The following MAP4K3 variants were observed in gnomAD, a reference collection of about 807,000 sequenced individuals.
MAP4K3 encodes MAPK/ERK kinase kinase kinase 3.
Under a neutral mutation model 143.5 loss-of-function variants are expected in MAP4K3, and 94 were observed. That is an observed-to-expected ratio of 0.65 (90% confidence interval 0.55 to 0.78). The LOEUF (loss-of-function observed/expected upper bound fraction) is 0.78. MAP4K3 is among the 30% of genes least tolerant of loss of function. The pLI is 0.00. For missense variants in MAP4K3, 1,077 were observed against 1,068.1 expected, an observed-to-expected ratio of 1.01 and a Z score of -0.12; for synonymous variants, 416 against 347.2, an observed-to-expected ratio of 1.20 and a Z score of -2.20.
intron 19 of MAP4K3, among the ~76,000 whole-genome samples, chr2:39,288,959 G>A (rs1175820655): frequency 6.6e-6 from 1 of 152,214 alleles, no homozygotes; most frequent in Non-Finnish European, 1.5e-5. Flanking sequence ...GGCTGAGGCA[G>A]GAGAATGGCA....
At chr2:39,345,616 G>C (rs1357987449) in intron 3 of MAP4K3, among the ~76,000 whole-genome samples, 1 of 152,010 alleles carries the variant, frequency 6.6e-6, no homozygotes, top group African/African-American at 2.4e-5. Flanking sequence ...CATGATTCTA[G>C]AAAATAATGC....
At position 39,292,842 on chromosome 2, in the gene MAP4K3, A is replaced by G. The variant is rs1358372908; in HGVS notation, c.1218-16T>C. ...GACGTGTCCTCTAAATAAAAAGGATAATGTCATTGTTATTAAATGGATTTT... is the reference window on the plus strand; with the variant it reads ...GACGTGTCCTCTAAATAAAAAGGATGATGTCATTGTTATTAAATGGATTTT... On this transcript the variant is annotated splice_polypyrimidine_tract_variant and intron_variant, in intron 17 of 33. Transcript: ENST00000263881. 1.2e-6 allele frequency: 2 copies of G among 1,602,830 alleles called. No homozygotes were observed. Among genetic ancestry groups the G allele is most frequent in the East Asian group, 2.2e-5 (1 of 44,770 alleles).
rs1369215557 is a variant in MAP4K3, at chr2:39,249,354, T to C, written c.*1264A>G. The C allele has an allele frequency of 2.0e-5, 3 of 152,694 alleles. No individual in the cohort carries two copies. Among genetic ancestry groups the C allele is most frequent in the African/African-American group, 7.2e-5 (3 of 41,560 alleles). 9.5% of individuals were successfully genotyped at this position (152,694 alleles called of 1,614,324 possible). On this transcript the variant is annotated 3_prime_UTR_variant, in exon 34 of 34. Transcript: ENST00000263881. ...TTAAAACCATTATCATTAAAATAAA[T>C]GAAGATCATAAATCACAATTTAGTT...
At chr2:39,338,471 T>C (rs1428331202) in intron 4 of MAP4K3, among the ~76,000 whole-genome samples, 3 of 152,198 alleles carry the variant, frequency 2.0e-5, no homozygotes, top group South Asian at 2.1e-4. Context: ...GCAATACCAA[T>C]AGTTTGGTCT....
At chr2:39,265,769 C>T (rs1201319912) in intron 27 of MAP4K3, among the ~76,000 whole-genome samples, 1 of 152,092 alleles carries the variant, frequency 6.6e-6, no homozygotes, top group Non-Finnish European at 1.5e-5. Context: ...TGTCTATCTT[C>T]CCCCTTTTGA....
At chr2:39,354,997 C>A (rs974238798) in intron 3 of MAP4K3, among the ~76,000 whole-genome samples, 20 of 151,938 alleles carry the variant, frequency 1.3e-4, no homozygotes, top group African/African-American at 4.8e-4. Context: ...GTAATTTCAG[C>A]ATTTTGGATC....
At chr2:39,295,384 T>C (rs1184120654) in intron 16 of MAP4K3, among the ~76,000 whole-genome samples, 1 of 151,880 alleles carries the variant, frequency 6.6e-6, no homozygotes, top group Non-Finnish European at 1.5e-5. Flanking sequence ...TAAAGTTTAA[T>C]TTTGAATACT....
chr2:39,403,794 C>T (rs534048755), intron 1 of MAP4K3, among the ~76,000 whole-genome samples: 2 of 151,128 alleles, frequency 1.3e-5, no homozygotes, highest in African/African-American at 2.4e-5. Context: ...CCTCCCCTAA[C>T]CCCAGCTAGT....
rs1206690314 is a variant in MAP4K3, at chr2:39,416,004, T to TATATAA, written c.96+20887_96+20888insTTATAT. Among the ~76,000 whole-genome samples, 9 of 76,070 alleles carry TATATAA rather than the reference T, an allele frequency of 1.2e-4. 1 individual carries two copies. In the South Asian group the frequency reaches 1.3e-3, roughly 11 times the overall value. 49.9% of individuals were successfully genotyped at this position (76,070 alleles called of 152,430 possible). The stretch of plus-strand genomic sequence containing the variant: ...AAATATATATATATATATATATATA[T>TATATAA]AAAAATAACATTTGGAAGAATAAAT... On this transcript the variant is annotated intron_variant, in intron 1 of 33. Transcript: ENST00000263881.
At chr2:39,423,799 T>C (rs1451715631) in intron 1 of MAP4K3, among the ~76,000 whole-genome samples, 1 of 152,196 alleles carries the variant, frequency 6.6e-6, no homozygotes, top group Non-Finnish European at 1.5e-5. Context: ...AAAATGGAAT[T>C]TTTAAGGCAG....
chr2:39,405,917 G>A (rs890001523), intron 1 of MAP4K3, among the ~76,000 whole-genome samples: 3 of 152,040 alleles, frequency 2.0e-5, no homozygotes, highest in Admixed American at 2.0e-4. Context: ...CAATCCTGGA[G>A]AAACCAAGAT....
Position 39,260,697 on chromosome 2 carries a change from A to G in MAP4K3, c.2217T>C (p.Cys739=), listed in dbSNP as rs776086910. ...VVPEQEYPLV[C]VGVSRGRDFN... The stretch of plus-strand genomic sequence containing the variant: ...AGTCTCTACCTCTACTGACACCAAC[A>G]CAAACTAAAGGGTACTCCTGTTCAG... The change falls in exon 29 of 34, where the codon TGT becomes TGC. Residue 739 remains cysteine, a synonymous_variant. Coordinates refer to ENST00000263881, the MANE Select transcript of MAP4K3 (RefSeq NM_003618.4). 1 of 1,613,914 alleles carries G rather than the reference A, an allele frequency of 6.2e-7. No individual in the cohort carries two copies. The highest frequency in any genetic ancestry group is 1.1e-5 in the South Asian group (1 of 91,080).
chr2:39,372,572 T>A (rs1362600459), intron 2 of MAP4K3, among the ~76,000 whole-genome samples: 2 of 149,760 alleles, frequency 1.3e-5, no homozygotes, highest in Non-Finnish European at 3.0e-5. Context: ...CAAAACAGCA[T>A]GCTGCTGGAA....
At chr2:39,397,655 C>G (rs1666844750) in intron 1 of MAP4K3, among the ~76,000 whole-genome samples, 1 of 152,028 alleles carries the variant, frequency 6.6e-6, no homozygotes, top group Non-Finnish European at 1.5e-5. Flanking sequence ...GCAGTAATTG[C>G]CAGGAAAACT....
chr2:39,377,201 C>CTTTTTTTCTTTT (rs1666242060), intron 2 of MAP4K3, among the ~76,000 whole-genome samples: 1 of 110,588 alleles, frequency 9.0e-6, no homozygotes, highest in Non-Finnish European at 1.9e-5. Context: ...GCTATTTGGC[C>CTTTTTTTCTTTT]TTTTTTTTTT....
At chr2:39,314,153 C>T (rs1336260178) in intron 13 of MAP4K3, among the ~76,000 whole-genome samples, 1 of 151,912 alleles carries the variant, frequency 6.6e-6, no homozygotes, top group Admixed American at 6.6e-5. Context: ...CCTCAGCCAC[C>T]CAAGTAGCTG....
intron 1 of MAP4K3, among the ~76,000 whole-genome samples, chr2:39,414,662 T>C (rs1667321716): frequency 6.6e-6 from 1 of 152,090 alleles, no homozygotes; most frequent in African/African-American, 2.4e-5. Context: ...GATCACGACA[T>C]CAGGAGATCG....
At chr2:39,429,418 T>C (rs989588568) in intron 1 of MAP4K3, among the ~76,000 whole-genome samples, 2 of 152,108 alleles carry the variant, frequency 1.3e-5, no homozygotes, top group Admixed American at 6.5e-5. Flanking sequence ...TCCCACACAA[T>C]CCCAGCAGGC....
intron 12 of MAP4K3, among the ~76,000 whole-genome samples, chr2:39,316,671 G>C (rs1019752135): frequency 3.9e-5 from 6 of 152,092 alleles, no homozygotes; most frequent in African/African-American, 1.4e-4. Context: ...CAGAATGTTA[G>C]GCATCATCTT....
Sources: allele counts gnomAD v4.1 joint callset (sites outside exome capture counted in the v4.1 genomes callset), GRCh38; gene constraint gnomAD v4.1.1; transcripts MANE v1.5; gene names NCBI Gene and HGNC (gene_info 2026-07-23, HGNC 2026-07-21).